Variants in FOXN3 observed in about 807,000 individuals in gnomAD.
FOXN3 encodes forkhead box protein N3.
Under a neutral mutation model 38.4 loss-of-function variants are expected in FOXN3, and 7 were observed. That is an observed-to-expected ratio of 0.18 (90% confidence interval 0.10 to 0.34). FOXN3 has a LOEUF of 0.34. FOXN3 is among the 10% of genes least tolerant of loss of function. FOXN3 has a pLI of 1.00. For missense variants in FOXN3, 456 were observed against 613.4 expected (o/e 0.74, Z 2.71); for synonymous variants, 230 against 242.2 (o/e 0.95, Z 0.47).
upstream of FOXN3, chr14:89,419,243 T>G (rs1320603848): frequency 2.2e-6 from 1 of 454,784 alleles, no homozygotes; most frequent in South Asian, 1.6e-5. Flanking sequence ...AGGGGACACA[T>G]GTCTGCCTGT....
At chr14:89,347,932 G>A (rs1035334220) in intron 3 of FOXN3, among the ~76,000 whole-genome samples, 1 of 148,980 alleles carries the variant, frequency 6.7e-6, no homozygotes, top group Non-Finnish European at 1.5e-5. Flanking sequence ...CCAGCCTGGA[G>A]AGAGAGCAAG....
At chr14:89,345,013 CAG>C (rs1888722844) in intron 3 of FOXN3, among the ~76,000 whole-genome samples, 1 of 152,070 alleles carries the variant, frequency 6.6e-6, no homozygotes, top group Non-Finnish European at 1.5e-5. Flanking sequence ...GGCCCCACGC[CAG>C]AGTCTCCTTG....
At chr14:89,337,746 C>G (rs1888507516) in intron 3 of FOXN3, among the ~76,000 whole-genome samples, 1 of 151,966 alleles carries the variant, frequency 6.6e-6, no homozygotes, top group African/African-American at 2.4e-5. Flanking sequence ...TCTCCTGCCT[C>G]AGCCTCCTGA....
At chr14:89,266,000 T>C (rs933487724) in intron 4 of FOXN3, among the ~76,000 whole-genome samples, 8 of 152,194 alleles carry the variant, frequency 5.3e-5, no homozygotes, top group African/African-American at 1.9e-4. Flanking sequence ...TGCCCATTAC[T>C]GTGGATTTAT....
intron 3 of FOXN3, chr14:89,291,254 G>T: frequency 2.3e-6 from 1 of 436,292 alleles, no homozygotes; most frequent in South Asian, 1.8e-5. Context: ...TTCTCTCTTT[G>T]AAGGTTTGGA....
chr14:89,587,737 T>C (rs1016426330), intron 1 of FOXN3, among the ~76,000 whole-genome samples: 1 of 151,874 alleles, frequency 6.6e-6, no homozygotes, highest in African/African-American at 2.4e-5. Context: ...TGTGGTGGCA[T>C]GTGCCTGTAA....
intron 4 of FOXN3, among the ~76,000 whole-genome samples, chr14:89,253,618 C>T (rs751178681): frequency 4.6e-5 from 7 of 152,050 alleles, no homozygotes; most frequent in Non-Finnish European, 8.8e-5. Context: ...AGAAAACAGA[C>T]GCCAAATTAA....
intron 1 of FOXN3, among the ~76,000 whole-genome samples, chr14:89,447,954 G>A (rs1892540916): frequency 6.7e-6 from 1 of 148,572 alleles, no homozygotes; most frequent in African/African-American, 2.5e-5. Context: ...AGTAGCATTA[G>A]AGGCACCTGC....
intron 3 of FOXN3, among the ~76,000 whole-genome samples, chr14:89,338,636 A>G (rs1158400951): frequency 2.0e-5 from 3 of 152,164 alleles, no homozygotes; most frequent in Admixed American, 2.0e-4. Flanking sequence ...TCTACTAAAA[A>G]TACAGAAATT....
intron 4 of FOXN3, among the ~76,000 whole-genome samples, chr14:89,249,059 T>C (rs549324946): frequency 2.0e-5 from 3 of 152,206 alleles, no homozygotes; most frequent in Non-Finnish European, 4.4e-5. Flanking sequence ...GGGTTGAAAT[T>C]ATAAAGAAAG....
chr14:89,523,649 GA>G (rs1894366810), intron 1 of FOXN3, among the ~76,000 whole-genome samples: 3 of 152,150 alleles, frequency 2.0e-5, no homozygotes, highest in Admixed American at 6.5e-5. Context: ...CTAACTGGAT[GA>G]AAATGAAAAC....
intron 1 of FOXN3, among the ~76,000 whole-genome samples, chr14:89,536,756 C>T (rs142958893): frequency 0.011 from 1,605 of 151,226 alleles, 25 homozygotes; most frequent in African/African-American, 0.036. Context: ...CCAGCCTGGG[C>T]GACAGAGCAA....
At chr14:89,397,441 T>TAA (rs35139656) in intron 2 of FOXN3, among the ~76,000 whole-genome samples, 25,419 of 120,388 alleles carry the variant, frequency 0.21, 2,564 homozygotes, top group South Asian at 0.4. Flanking sequence ...AAATAAAAGT[T>TAA]AAAAAAAAAA....
intron 4 of FOXN3, among the ~76,000 whole-genome samples, chr14:89,262,758 C>T (rs573865097): frequency 9.2e-5 from 14 of 152,138 alleles, no homozygotes; most frequent in Non-Finnish European, 1.8e-4. Flanking sequence ...TATTACAACA[C>T]ATTCTTAAGA....
chr14:89,616,001 A>G (rs925833741), intron 1 of FOXN3, among the ~76,000 whole-genome samples: 2 of 152,252 alleles, frequency 1.3e-5, no homozygotes, highest in Non-Finnish European at 2.9e-5. Context: ...AAGCTATTCA[A>G]TGCTTCAAAT....
chr14:89,606,342 C>T (rs1420114314), intron 1 of FOXN3, among the ~76,000 whole-genome samples: 3 of 151,684 alleles, frequency 2.0e-5, no homozygotes, highest in Admixed American at 6.6e-5. Flanking sequence ...ATACATAATT[C>T]TAGTCTTATA....
At chr14:89,543,236 C>T (rs1401912555) in intron 1 of FOXN3, among the ~76,000 whole-genome samples, 1 of 152,134 alleles carries the variant, frequency 6.6e-6, no homozygotes, top group African/African-American at 2.4e-5. Flanking sequence ...TCTCTGCTCC[C>T]CCTTCAACTT....
At chr14:89,426,997 C>T (rs368239977) in intron 1 of FOXN3, among the ~76,000 whole-genome samples, 7 of 151,494 alleles carry the variant, frequency 4.6e-5, no homozygotes, top group African/African-American at 1.7e-4. Context: ...TTTGAGAAAC[C>T]GAGGCGGGTG....
intron 4 of FOXN3, among the ~76,000 whole-genome samples, chr14:89,277,235 G>C (rs527958185): frequency 6.6e-6 from 1 of 152,146 alleles, no homozygotes; most frequent in South Asian, 2.1e-4. Flanking sequence ...CATAGAGACC[G>C]TAACACAGAG....
Sources: allele counts gnomAD v4.1 joint callset (sites outside exome capture counted in the v4.1 genomes callset), GRCh38; gene constraint gnomAD v4.1.1; transcripts MANE v1.5; gene names NCBI Gene and HGNC (gene_info 2026-07-23, HGNC 2026-07-21).